BABAM2: variants seen among roughly 807,000 people sequenced by gnomAD.
The protein encoded by BABAM2 is BRISC and BRCA1 A complex member 2.
A neutral mutation model predicts 54.7 loss-of-function variants in BABAM2; 31 were observed. That is an observed-to-expected ratio of 0.57 (90% CI 0.43 to 0.77). The LOEUF (loss-of-function observed/expected upper bound fraction) is 0.77, where lower values mean the gene tolerates loss of function less well. BABAM2 is among the 30% of genes least tolerant of loss of function. The pLI is 0.00. For missense variants in BABAM2, 364 were observed against 455.8 expected (o/e 0.80, Z 1.83); for synonymous variants, 167 against 162.9 (o/e 1.03, Z -0.19).
chr2:28,327,310 G>A (rs1165477289), intron 11 of BABAM2: 63 of 1,612,390 alleles, frequency 3.9e-5, no homozygotes, highest in Non-Finnish European at 4.9e-5. Context: ...GCAGCCCGTG[G>A]GAGCAAGTCC....
chr2:27,995,017 A>T lies in BABAM2; in HGVS notation c.300+6930A>T, dbSNP rs1391467393. On this transcript the variant is annotated intron_variant, in intron 4 of 11. Transcript: ENST00000379624. The surrounding 1 kb of genome is among the most constrained non-coding windows in gnomAD (Gnocchi z 4.1). The stretch of plus-strand genomic sequence containing the variant: ...GAATGCAAGACTAGCAGTTGTAGGG[A>T]GCAGCTATTCTAGAGCTAAGGGAGA... Among the ~76,000 whole-genome samples, 7 of 152,204 alleles carry T rather than the reference A, an allele frequency of 4.6e-5. No homozygotes were observed. The highest frequency in any genetic ancestry group is 3.9e-4 in the Admixed American group (6 of 15,284).
At chr2:28,240,563 A>G (rs1277551940) in intron 8 of BABAM2, among the ~76,000 whole-genome samples, 1 of 152,200 alleles carries the variant, frequency 6.6e-6, no homozygotes, top group African/African-American at 2.4e-5. Flanking sequence ...CCTTAATCAT[A>G]CATTGTTTTT....
intron 4 of BABAM2, among the ~76,000 whole-genome samples, chr2:27,998,769 A>G (rs1014756859): frequency 6.6e-6 from 1 of 152,222 alleles, no homozygotes; most frequent in African/African-American, 2.4e-5. Context: ...TACTAAAAAA[A>G]GCTATTAATT....
chr2:28,244,956 C>G (rs1376160133), intron 10 of BABAM2, 94 bp downstream of exon 10: 5 of 1,056,574 alleles, frequency 4.7e-6, no homozygotes, highest in Non-Finnish European at 7.0e-6. Context: ...TCTGTCCTGT[C>G]TCGGTTCCTT....
chr2:27,971,243 C>G (rs770787462), intron 3 of BABAM2, among the ~76,000 whole-genome samples: 22 of 152,156 alleles, frequency 1.4e-4, no homozygotes, highest in Non-Finnish European at 3.1e-4. Flanking sequence ...TCTCCTAACT[C>G]TTTTTCTGTC....
intron 11 of BABAM2, among the ~76,000 whole-genome samples, chr2:28,310,899 G>GA (rs1298126646): frequency 2.0e-5 from 3 of 149,452 alleles, no homozygotes; most frequent in African/African-American, 4.9e-5. Flanking sequence ...TAAAAATAAA[G>GA]AAAAAAAGAG....
At chr2:27,898,724 G>A (rs887757401) in intron 2 of BABAM2, among the ~76,000 whole-genome samples, 16 of 152,124 alleles carry the variant, frequency 1.1e-4, no homozygotes, top group African/African-American at 3.9e-4. Context: ...TTTATGTGAC[G>A]TGTCTAGAAT....
intron 4 of BABAM2, among the ~76,000 whole-genome samples, chr2:27,989,579 T>G (rs901682037): frequency 1.3e-5 from 2 of 152,078 alleles, no homozygotes; most frequent in Admixed American, 1.3e-4. Context: ...GAGAAGACTG[T>G]GGGGCACATT....
At chr2:28,184,554 C>T (rs895240203) in intron 7 of BABAM2, among the ~76,000 whole-genome samples, 1 of 149,318 alleles carries the variant, frequency 6.7e-6, no homozygotes, top group African/African-American at 2.5e-5. Flanking sequence ...GTTCAGTTCC[C>T]ACCTACGAGT....
intron 7 of BABAM2, among the ~76,000 whole-genome samples, chr2:28,130,174 G>A (rs770996688): frequency 8.5e-5 from 13 of 152,170 alleles, no homozygotes; most frequent in Non-Finnish European, 1.6e-4. Flanking sequence ...AATTCTCTGT[G>A]AGTCATTTAG....
At chr2:28,026,870 ATATTTATATATATATAGATATATAT>A (rs1675794051) in intron 5 of BABAM2, among the ~76,000 whole-genome samples, 1 of 75,504 alleles carries the variant, frequency 1.3e-5, no homozygotes, top group Admixed American at 2.0e-4. Context: ...ATAGATATAT[ATATTTATATATATATAGATATATAT>A]AAATATATAT....
intron 6 of BABAM2, among the ~76,000 whole-genome samples, chr2:28,068,387 C>T (rs1663815405): frequency 6.6e-6 from 1 of 152,196 alleles, no homozygotes; most frequent in Non-Finnish European, 1.5e-5. Flanking sequence ...CTGCTGCAGA[C>T]AGCCTTTGTT....
rs1033844473 is a variant in BABAM2 at position 28,006,514 on chromosome 2, T to C, written c.300+18427T>C. 7.2e-5 allele frequency among the ~76,000 whole-genome samples: 11 copies of C among 151,972 alleles called. No individual in the cohort carries two copies. The South Asian group carries it at 8.3e-4, about 11-fold the overall frequency. On this transcript the variant is annotated intron_variant, in intron 4 of 11. Coordinates refer to ENST00000379624, the MANE Select transcript of BABAM2 (RefSeq NM_199191.3). ...AAATAAGTGTATAGCAAGTAGAAAA[T>C]AACTATTAAAAGCAACAAGGATTCT... is the stretch of plus-strand genomic sequence containing the variant.
At chr2:28,233,107 C>T (rs1465709109) in intron 7 of BABAM2, 1 of 412,226 alleles carries the variant, frequency 2.4e-6, no homozygotes, top group Non-Finnish European at 5.0e-6. Context: ...GGTACCTTCT[C>T]ATCAGAACAG....
At chr2:28,265,995 T>C (rs1165191890) in intron 10 of BABAM2, among the ~76,000 whole-genome samples, 1 of 152,180 alleles carries the variant, frequency 6.6e-6, no homozygotes, top group East Asian at 1.9e-4. Context: ...TTTCTTCTTT[T>C]TTTTTTTGAG....
At chr2:28,237,057 A>G (rs1472814121) in intron 7 of BABAM2, 145 bp from the exon 8 acceptor site, 2 of 639,596 alleles carry the variant, frequency 3.1e-6, no homozygotes, top group African/African-American at 3.6e-5. Context: ...ATGTAATCAT[A>G]AAGTGAAGCC....
At chr2:28,095,687 A>G (rs1382699799) in intron 6 of BABAM2, among the ~76,000 whole-genome samples, 1 of 152,198 alleles carries the variant, frequency 6.6e-6, no homozygotes, top group African/African-American at 2.4e-5. Context: ...TTATGAAAAG[A>G]TTTGGTACTC....
At position 28,025,440 on chromosome 2, in the gene BABAM2, G is replaced by GA; in HGVS notation, c.495+27dup. On this transcript the variant is annotated intron_variant, in intron 5 of 11. Transcript: ENST00000379624. ...AACTGGGTAAGGATTTTTGAGAATG[G>GA]AAAAAAAGATGACTTCATCCATAAT... 3.2e-6 allele frequency: 5 copies of GA among 1,541,426 alleles called. No homozygotes were observed. The highest frequency in any genetic ancestry group is 1.3e-5 in the South Asian group (1 of 79,464).
intron 7 of BABAM2, among the ~76,000 whole-genome samples, chr2:28,130,502 G>T (rs113915516): frequency 0.02 from 3,070 of 152,250 alleles, 43 homozygotes; most frequent in Non-Finnish European, 0.033. Flanking sequence ...ACCCAGGCTG[G>T]AGTGTAGTGG....
Sources: gnomAD v4.1 joint callset for allele counts (sites outside exome capture counted in the v4.1 genomes callset) on GRCh38, gnomAD v4.1.1 for gene constraint, Gnocchi (gnomAD v3.1) non-coding constraint, MANE v1.5 for transcripts, NCBI Gene and HGNC (gene_info 2026-07-23, HGNC 2026-07-21) for gene names.